The following NEK10 variants were observed in gnomAD, a reference collection of about 807,000 sequenced individuals.
The protein encoded by NEK10 is serine/threonine-protein kinase Nek10.
Under a neutral mutation model 159.8 loss-of-function variants are expected in NEK10, and 122 were observed. That is an observed-to-expected ratio of 0.76 (90% CI 0.66 to 0.89). NEK10 has a LOEUF of 0.89. Among genes scored for constraint, NEK10 ranks in the 40% least tolerant of loss-of-function variants. NEK10 has a pLI of 0.00. For synonymous variants in NEK10, 466 were observed against 457.1 expected, an observed-to-expected ratio of 1.02 and a Z score of -0.25; for missense variants, 1,342 against 1,323.1, an observed-to-expected ratio of 1.01 and a Z score of -0.22.
intron 23 of NEK10, among the ~76,000 whole-genome samples, chr3:27,217,189 C>T (rs955982379): frequency 2.6e-5 from 4 of 152,080 alleles, no homozygotes; most frequent in Admixed American, 2.6e-4. Context: ...TTATTTAACC[C>T]TACATATCAT....
At chr3:27,149,275 C>T (rs985350123) in intron 30 of NEK10, among the ~76,000 whole-genome samples, 9 of 151,928 alleles carry the variant, frequency 5.9e-5, no homozygotes, top group Admixed American at 1.3e-4. Flanking sequence ...TTTTCAAGGG[C>T]CTGATCTCAG....
intron 17 of NEK10, 45 bp downstream of exon 17, chr3:27,291,439 T>C (rs756637357): frequency 3.1e-6 from 5 of 1,605,262 alleles, no homozygotes; most frequent in Non-Finnish European, 4.3e-6. Flanking sequence ...AATTACATCC[T>C]GACTACATAG....
chr3:27,180,440 A>C (rs1575129525), intron 26 of NEK10, among the ~76,000 whole-genome samples: 3 of 130,300 alleles, frequency 2.3e-5, no homozygotes, highest in Admixed American at 7.9e-5. Context: ...GGGGAGGGGA[A>C]GGGAGGGGAA....
chr3:27,220,301 T>C (rs191079126), intron 23 of NEK10, among the ~76,000 whole-genome samples: 1 of 152,308 alleles, frequency 6.6e-6, no homozygotes, highest in Admixed American at 6.5e-5. Context: ...AGAGAATCTA[T>C]TTCCTTGCCT....
At chr3:27,330,755 C>T (rs1315504029) in intron 5 of NEK10, among the ~76,000 whole-genome samples, 3 of 152,050 alleles carry the variant, frequency 2.0e-5, no homozygotes, top group Non-Finnish European at 4.4e-5. Context: ...AGAGGACTAC[C>T]ACGGTCAAAG....
intron 22 of NEK10, among the ~76,000 whole-genome samples, chr3:27,261,829 C>A (rs6804651): frequency 0.64 from 96,494 of 151,956 alleles, 33,012 homozygotes; most frequent in African/African-American, 0.91. Context: ...GGGGTGTTAA[C>A]GTCTCCCACT....
chr3:27,338,833 A>G (rs2046998943), intron 5 of NEK10, among the ~76,000 whole-genome samples: 1 of 152,192 alleles, frequency 6.6e-6, no homozygotes, highest in Admixed American at 6.5e-5. Flanking sequence ...GCCCTTTGTC[A>G]GATGGCTAGA....
intron 30 of NEK10, among the ~76,000 whole-genome samples, chr3:27,149,051 T>C (rs1236829557): frequency 6.6e-6 from 1 of 151,832 alleles, no homozygotes; most frequent in Non-Finnish European, 1.5e-5. Flanking sequence ...TAAAGGAAAT[T>C]TCTTATCTCA....
At chr3:27,162,830 A>G (rs879079861) in intron 29 of NEK10, 92 bp from the exon 30 acceptor site, 1 of 1,510,182 alleles carries the variant, frequency 6.6e-7, no homozygotes, top group East Asian at 2.3e-5. Context: ...TACATTATAA[A>G]GATTAATAGA....
intron 30 of NEK10, chr3:27,162,408 T>C (rs1332232576): frequency 1.9e-6 from 3 of 1,595,366 alleles, no homozygotes; most frequent in East Asian, 4.5e-5. Context: ...CCAACTATAA[T>C]TCTGCATTTG....
In NEK10 at chr3:27,284,924, T is replaced by C. The variant is rs1307899816; in HGVS notation, c.1827A>G (p.Gly609=). 1 of 1,606,526 alleles carries C rather than the reference T, an allele frequency of 6.2e-7. No individual in the cohort carries two copies. The highest frequency in any genetic ancestry group is 8.5e-7 in the Non-Finnish European group (1 of 1,173,658). Residue 609 remains glycine, a synonymous_variant, in exon 21 of 36, where the codon GGA becomes GGG. Transcript: ENST00000691995. ...RLYIVMELIE[G]APLGEHFSSL... ...AACTGAAATGCTCTCCAAGCGGGGCTCCTTCTATCAGCTCCATAACTATGT... is the reference window on the plus strand; with the variant it reads ...AACTGAAATGCTCTCCAAGCGGGGCCCCTTCTATCAGCTCCATAACTATGT...
chr3:27,328,398 GA>G (rs1409932494), intron 5 of NEK10, among the ~76,000 whole-genome samples: 2 of 152,222 alleles, frequency 1.3e-5, no homozygotes, highest in Admixed American at 1.3e-4. Flanking sequence ...GACAGTCACA[GA>G]ACAGTTCTTT....
intron 35 of NEK10, among the ~76,000 whole-genome samples, chr3:27,115,522 T>C (rs1256551164): frequency 6.6e-6 from 1 of 152,158 alleles, no homozygotes; most frequent in African/African-American, 2.4e-5. Flanking sequence ...CAAGAAATGA[T>C]TCTTTGTTCA....
rs1028330948 is a variant in NEK10, at chr3:27,106,560, T to C, written c.*4712A>G. ...TTCTATTTCAGAATCTTGACTCAAA[T>C]GGCACTTGAAATGCAGAGCTAAATC... On this transcript the variant is annotated 3_prime_UTR_variant, in exon 36 of 36. Coordinates refer to ENST00000691995, the MANE Select transcript of NEK10 (RefSeq NM_001394966.1). 2.6e-5 allele frequency among the ~76,000 whole-genome samples: 4 copies of C among 152,234 alleles called. No individual in the cohort carries two copies. The highest frequency in any genetic ancestry group is 9.6e-5 in the African/African-American group (4 of 41,466).
chr3:27,267,324 G>T (rs1399935287), intron 22 of NEK10, among the ~76,000 whole-genome samples: 1 of 152,120 alleles, frequency 6.6e-6, no homozygotes, highest in Admixed American at 6.5e-5. Context: ...CAGCCCTAGA[G>T]GTAGTAGCTG....
At chr3:27,222,373 AAAAACAAAAC>A (rs1229038994) in intron 23 of NEK10, among the ~76,000 whole-genome samples, 1 of 152,262 alleles carries the variant, frequency 6.6e-6, no homozygotes, top group Admixed American at 6.5e-5. Context: ...TCCGTCTCAA[AAAAACAAAAC>A]AAAACAAAAC....
At chr3:27,218,604 CAAAAA>C (rs534568582) in intron 23 of NEK10, among the ~76,000 whole-genome samples, 1 of 67,432 alleles carries the variant, frequency 1.5e-5, no homozygotes, top group Non-Finnish European at 2.8e-5. Flanking sequence ...GTCTCCATCT[CAAAAA>C]AAAAAAAAAA....
intron 29 of NEK10, among the ~76,000 whole-genome samples, chr3:27,168,306 A>G (rs1331929316): frequency 6.6e-6 from 1 of 151,778 alleles, no homozygotes; most frequent in Non-Finnish European, 1.5e-5. Flanking sequence ...TTTTCAATTT[A>G]TTTTTATTCT....
rs1200739684 is a variant in NEK10 at position 27,344,275 on chromosome 3, C to CT, written c.358dup (p.Ser120LysfsTer6). The CT allele has an allele frequency of 6.6e-7, 1 of 1,523,998 alleles. No individual in the cohort carries two copies. Among genetic ancestry groups the CT allele is most frequent in the Non-Finnish European group, 9.1e-7 (1 of 1,103,780 alleles). 94.4% of individuals were successfully genotyped at this position (1,523,998 alleles called of 1,614,324 possible). A position where few individuals can be genotyped will look rare whatever the true frequency, so the allele number is the denominator to read the frequency against. On this transcript the variant is annotated frameshift_variant, in exon 5 of 36. Coordinates refer to ENST00000691995, the MANE Select transcript of NEK10 (RefSeq NM_001394966.1). LOFTEE classifies it high-confidence loss of function. Reference sequence around the variant, plus strand: ...TGTTTTCCAGGAACAATCTTACCTGCTTATGAGTCTATTTTTCACCAAGGC... The same window carrying CT: ...TGTTTTCCAGGAACAATCTTACCTGCTTTATGAGTCTATTTTTCACCAAGGC...
Sources: gnomAD v4.1 joint callset for allele counts (sites outside exome capture counted in the v4.1 genomes callset) on GRCh38, gnomAD v4.1.1 for gene constraint, MANE v1.5 for transcripts, NCBI Gene and HGNC (gene_info 2026-07-23, HGNC 2026-07-21) for gene names.